Variants in ATP8B1 observed in about 807,000 individuals in gnomAD.
The protein encoded by ATP8B1 is ATPase phospholipid transporting 8B1.
In ATP8B1, 80 loss-of-function variants were observed where a neutral mutation model predicts 149.9. The observed-to-expected ratio is 0.53, with a 90% confidence interval of 0.45 to 0.64. ATP8B1 has a LOEUF of 0.64. Among genes scored for constraint, ATP8B1 ranks in the 30% least tolerant of loss-of-function variants. ATP8B1 has a pLI of 0.00. For synonymous variants in ATP8B1, 536 were observed against 562.8 expected, an observed-to-expected ratio of 0.95 and a Z score of 0.67; for missense variants, 1,247 against 1,552.6, an observed-to-expected ratio of 0.80 and a Z score of 3.31.
intron 1 of ATP8B1, among the ~76,000 whole-genome samples, chr18:57,772,418 G>T (rs990549317): frequency 6.6e-6 from 1 of 152,164 alleles, no homozygotes; most frequent in African/African-American, 2.4e-5. Context: ...ATCCCTGGGG[G>T]CAAATATTCT....
rs1012607219 is a variant in ATP8B1, at chr18:57,646,580, C to T, written c.*1908G>A. On this transcript the variant is annotated 3_prime_UTR_variant, in exon 28 of 28. Coordinates refer to ENST00000648908, the MANE Select transcript of ATP8B1 (RefSeq NM_001374385.1). Reference sequence around the variant, plus strand: ...GTTAATATTGCACCCAACAGTATGTCTTTGACACATTTGCATTGTCAATCT... The same window carrying T: ...GTTAATATTGCACCCAACAGTATGTTTTTGACACATTTGCATTGTCAATCT... 20 of 152,596 alleles carry T rather than the reference C, an allele frequency of 1.3e-4. No individual in the cohort carries two copies. Among genetic ancestry groups the T allele is most frequent in the African/African-American group, 4.8e-4 (20 of 41,434 alleles). The allele number at this position is 152,596 out of a possible 1,614,324, so 9.5% of individuals were successfully genotyped here. A position where few individuals can be genotyped will look rare whatever the true frequency, so the allele number is the denominator to read the frequency against.
intron 18 of ATP8B1, 142 bp downstream of exon 18, chr18:57,669,172 GAAAT>G (rs1911076766): frequency 1.2e-6 from 1 of 862,346 alleles, no homozygotes. Flanking sequence ...GTGAATAAAA[GAAAT>G]AACCTTCTTC....
At chr18:57,689,259 G>A (rs564164105) in intron 12 of ATP8B1, among the ~76,000 whole-genome samples, 1 of 152,158 alleles carries the variant, frequency 6.6e-6, no homozygotes, top group Non-Finnish European at 1.5e-5. Flanking sequence ...GCCCTAAGTG[G>A]TAGGGCAGAG....
intron 6 of ATP8B1, among the ~76,000 whole-genome samples, chr18:57,699,425 G>T (rs1353071996): frequency 6.6e-6 from 1 of 152,188 alleles, no homozygotes; most frequent in African/African-American, 2.4e-5. Context: ...GCCTAGCAGA[G>T]GAGGTTGTTG....
intron 27 of ATP8B1, among the ~76,000 whole-genome samples, chr18:57,649,733 A>G (rs1382410141): frequency 6.6e-6 from 1 of 152,142 alleles, no homozygotes; most frequent in African/African-American, 2.4e-5. Flanking sequence ...CCCTTGGGTG[A>G]GAAGTTCCAC....
intron 1 of ATP8B1, chr18:57,735,034 G>C (rs766131213): frequency 2.0e-5 from 3 of 152,198 alleles, no homozygotes; most frequent in Admixed American, 6.5e-5. Flanking sequence ...GCCTGATGAG[G>C]GACAAGGATC....
chr18:57,758,648 C>CAAA (rs66725093), intron 1 of ATP8B1, among the ~76,000 whole-genome samples: 2 of 105,240 alleles, frequency 1.9e-5, no homozygotes, highest in Non-Finnish European at 3.9e-5. Flanking sequence ...AACTCTGTCT[C>CAAA]AAAAAAAAAA....
At position 57,669,370 on chromosome 18, in the gene ATP8B1, T is replaced by G; in HGVS notation, c.2045A>C (p.Asn682Thr). The G allele has an allele frequency of 6.2e-7, 1 of 1,613,940 alleles. No homozygotes were observed. Among genetic ancestry groups the G allele is most frequent in the Non-Finnish European group, 8.5e-7 (1 of 1,179,964 alleles). ...KFMAASVAST[N>T]RDEALDKVYE... ...TACTTTATCCAGAGCTTCGTCCCGG[T>G]TGGTGGAGGCCACACTGGCAGCCAT... Residue 682 changes from asparagine to threonine, a missense_variant, in exon 18 of 28, where the codon AAC (asparagine) becomes ACC (threonine). By Grantham distance (65) the Asn-to-Thr change is moderately conservative (BLOSUM62 0). Around this residue, in one of 3 missense-constraint regions of ATP8B1, gnomAD observed 853 missense variants for 1,035.7 expected, o/e 0.82. Transcript: ENST00000648908.
At chr18:57,655,078 G>A (rs1299875681) in intron 23 of ATP8B1, 116 bp downstream of exon 23, 2 of 928,974 alleles carry the variant, frequency 2.2e-6, no homozygotes, top group African/African-American at 3.3e-5. Context: ...CAACTGTAAG[G>A]AGACACAGCC....
At chr18:57,785,384 A>C (rs183995247) in intron 1 of ATP8B1, among the ~76,000 whole-genome samples, 17 of 152,350 alleles carry the variant, frequency 1.1e-4, no homozygotes, top group Admixed American at 5.2e-4. Context: ...TTTTTTCCTA[A>C]GTAGATGCTT....
At chr18:57,663,023 A>G (rs1192929888) in intron 20 of ATP8B1, among the ~76,000 whole-genome samples, 1 of 152,170 alleles carries the variant, frequency 6.6e-6, no homozygotes, top group Admixed American at 6.5e-5. Flanking sequence ...TTGTTATCCA[A>G]CCAATCTCTA....
At chr18:57,691,314 T>C (rs1010391297) in intron 12 of ATP8B1, among the ~76,000 whole-genome samples, 2 of 152,048 alleles carry the variant, frequency 1.3e-5, no homozygotes, top group Admixed American at 6.6e-5. Context: ...TTTTGAGAGG[T>C]TGATGAAGGA....
intron 22 of ATP8B1, among the ~76,000 whole-genome samples, chr18:57,659,376 A>T (rs183506235): frequency 6.6e-6 from 1 of 152,158 alleles, no homozygotes; most frequent in African/African-American, 2.4e-5. Flanking sequence ...ACTTTGTGCA[A>T]TCCCTCTCAT....
chr18:57,658,315 G>A (rs2122616065), intron 22 of ATP8B1, among the ~76,000 whole-genome samples: 1 of 152,304 alleles, frequency 6.6e-6, no homozygotes, highest in South Asian at 2.1e-4. Context: ...CTCCCAAAGT[G>A]CTGGGATTAC....
intron 2 of ATP8B1, among the ~76,000 whole-genome samples, chr18:57,726,801 C>T (rs190713871): frequency 3.9e-5 from 6 of 152,108 alleles, no homozygotes; most frequent in African/African-American, 1.2e-4. Flanking sequence ...TAGAATAGGC[C>T]GGGCACAGTG....
At chr18:57,735,112 C>G (rs767294547) in intron 1 of ATP8B1, 1 of 152,462 alleles carries the variant, frequency 6.6e-6, no homozygotes. Context: ...TGTATGGGAG[C>G]TCTGTTTTCA....
At chr18:57,787,394 T>C (rs1006533913) in intron 1 of ATP8B1, among the ~76,000 whole-genome samples, 1 of 152,070 alleles carries the variant, frequency 6.6e-6, no homozygotes, top group African/African-American at 2.4e-5. Context: ...AGGAGCTCCA[T>C]CTAGAGCACT....
intron 1 of ATP8B1, among the ~76,000 whole-genome samples, chr18:57,780,643 A>G (rs755574511): frequency 6.6e-6 from 1 of 152,244 alleles, no homozygotes; most frequent in Non-Finnish European, 1.5e-5. Flanking sequence ...TTTAAACCCT[A>G]AGAAATACAC....
At chr18:57,801,599 C>T (rs2571216) in intron 1 of ATP8B1, among the ~76,000 whole-genome samples, 42,027 of 152,020 alleles carry the variant, frequency 0.28, 6,343 homozygotes, top group East Asian at 0.55. Flanking sequence ...TATACGGGCT[C>T]GTATTCACTA....
Sources: gnomAD v4.1 joint callset for allele counts (sites outside exome capture counted in the v4.1 genomes callset) on GRCh38, gnomAD v4.1.1 for gene constraint, gnomAD v4.1.1 regional missense constraint, MANE v1.5 for transcripts, NCBI Gene and HGNC (gene_info 2026-07-23, HGNC 2026-07-21) for gene names.